Variants in RGS7 observed in about 807,000 individuals in gnomAD.
RGS7 encodes the protein regulator of G protein signaling 7.
RGS7 carries 27 observed loss-of-function variants against 81.1 expected under a neutral mutation model. The observed-to-expected ratio is 0.33, with a 90% CI of 0.25 to 0.46. The LOEUF (loss-of-function observed/expected upper bound fraction) is 0.46. Among genes scored for constraint, RGS7 ranks in the 20% least tolerant of loss-of-function variants. The pLI is 1.00. For missense variants in RGS7, 396 were observed against 607.4 expected, an observed-to-expected ratio of 0.65 and a Z score of 3.66; for synonymous variants, 208 against 207.7, an observed-to-expected ratio of 1.00 and a Z score of -0.01.
intron 2 of RGS7, among the ~76,000 whole-genome samples, chr1:241,222,367 T>C (rs1307770652): frequency 2.0e-5 from 3 of 152,208 alleles, no homozygotes; most frequent in Admixed American, 6.5e-5. Flanking sequence ...GTTTCTGAGG[T>C]ATAGCCCAGG....
At chr1:240,823,680 C>T (rs1007826294) in intron 10 of RGS7, among the ~76,000 whole-genome samples, 1 of 152,152 alleles carries the variant, frequency 6.6e-6, no homozygotes, top group South Asian at 2.1e-4. Flanking sequence ...CCCAGACTGC[C>T]TTTGGATTTG....
intron 12 of RGS7, 78 bp downstream of exon 12, chr1:240,814,638 C>T (rs1690470238): frequency 2.3e-6 from 2 of 886,700 alleles, no homozygotes; most frequent in Non-Finnish European, 3.8e-6. Context: ...CCTGTCCCCA[C>T]AGTTCTCTTT....
intron 4 of RGS7, among the ~76,000 whole-genome samples, chr1:240,946,595 C>T (rs1198097303): frequency 6.6e-6 from 1 of 152,004 alleles, no homozygotes; most frequent in East Asian, 1.9e-4. Context: ...GTAAGACCCC[C>T]TCTTTAAAAA....
Position 241,180,149 on chromosome 1 carries a change from C to T in RGS7, c.79-81387G>A, listed in dbSNP as rs572786026. ...CAGCACTTTGGGAAGCCGAGGCAGG[C>T]GGATCACGAGGTCAGATCGAGACCA... On this transcript the variant is annotated intron_variant, in intron 2 of 18. Transcript: ENST00000440928. Among the ~76,000 whole-genome samples the T allele has an allele frequency of 2.5e-4, 38 of 152,102 alleles. No homozygotes were observed. The South Asian group carries it at 6.2e-3, about 25-fold the overall frequency.
intron 2 of RGS7, among the ~76,000 whole-genome samples, chr1:241,123,203 G>A (rs971603148): frequency 6.6e-6 from 1 of 152,164 alleles, no homozygotes; most frequent in Non-Finnish European, 1.5e-5. Context: ...TTGGCTCTGA[G>A]GACTTCAGTG....
rs1024972867 is a variant in RGS7 at position 241,175,047 on chromosome 1, C to T, written c.79-76285G>A. On this transcript the variant is annotated intron_variant, in intron 2 of 18. Transcript: ENST00000440928. The stretch of plus-strand genomic sequence containing the variant: ...CCTCCTAAGTAGCTGGGATTACAGG[C>T]GCCCACTACCATGCTTGGCTAATTT... Among the ~76,000 whole-genome samples the T allele has an allele frequency of 6.6e-5, 10 of 151,720 alleles. 1 individual carries two copies. The highest frequency in any genetic ancestry group is 2.1e-4 in the South Asian group (1 of 4,806).
intron 9 of RGS7, among the ~76,000 whole-genome samples, chr1:240,854,772 T>C (rs1293596857): frequency 6.6e-6 from 1 of 152,202 alleles, no homozygotes; most frequent in African/African-American, 2.4e-5. Flanking sequence ...AGCTTAATTT[T>C]TCATGTCCTC....
intron 4 of RGS7, among the ~76,000 whole-genome samples, chr1:240,967,708 G>A (rs368642230): frequency 1.1e-4 from 17 of 152,108 alleles, no homozygotes; most frequent in Admixed American, 1.0e-3. Context: ...AGTGGGGCTC[G>A]TTCCAATGAT....
chr1:241,246,877 T>C (rs757291517), intron 2 of RGS7, among the ~76,000 whole-genome samples: 5 of 151,954 alleles, frequency 3.3e-5, no homozygotes, highest in Non-Finnish European at 5.9e-5. Context: ...AGGGGATACA[T>C]GAACGTCAGC....
At chr1:241,037,401 T>C (rs1490661150) in intron 3 of RGS7, among the ~76,000 whole-genome samples, 1 of 152,112 alleles carries the variant, frequency 6.6e-6, no homozygotes, top group Non-Finnish European at 1.5e-5. Flanking sequence ...TGCAAAAATA[T>C]GGAAACAACC....
chr1:240,845,507 A>G (rs1186391469), intron 9 of RGS7, among the ~76,000 whole-genome samples: 4 of 152,348 alleles, frequency 2.6e-5, no homozygotes, highest in East Asian at 1.9e-4. Context: ...TAGAGATCAC[A>G]TGGGGTTTTG....
At position 241,122,619 on chromosome 1, in the gene RGS7, C is replaced by T. The variant is rs569254043; in HGVS notation, c.79-23857G>A. On this transcript the variant is annotated intron_variant, in intron 2 of 18. Coordinates refer to ENST00000440928, the MANE Select transcript of RGS7 (RefSeq NM_001364886.1). ...CAGAGATTGCAGTGAGCTGAGATCG[C>T]GCCATTGCACTCCAGCCTGGCCAGC... 2.9e-4 allele frequency among the ~76,000 whole-genome samples: 43 copies of T among 150,290 alleles called. 1 individual carries two copies. In the South Asian group the frequency reaches 6.5e-3, roughly 23 times the overall value.
chr1:241,050,640 C>T (rs933572264), intron 3 of RGS7, among the ~76,000 whole-genome samples: 7 of 152,130 alleles, frequency 4.6e-5, no homozygotes, highest in Non-Finnish European at 8.8e-5. Flanking sequence ...TTTTCTCCCA[C>T]CTCTGCCACT....
intron 2 of RGS7, among the ~76,000 whole-genome samples, chr1:241,269,958 C>A (rs1219213392): frequency 6.6e-6 from 1 of 152,190 alleles, no homozygotes; most frequent in African/African-American, 2.4e-5. Flanking sequence ...CTTCCTGAAC[C>A]TCATTACTTT....
intron 2 of RGS7, among the ~76,000 whole-genome samples, chr1:241,264,433 G>T (rs747019793): frequency 2.0e-5 from 3 of 152,144 alleles, no homozygotes; most frequent in African/African-American, 7.2e-5. Context: ...GGAGGCGGAG[G>T]TTGCAGTGAG....
intron 2 of RGS7, among the ~76,000 whole-genome samples, chr1:241,219,073 A>C (rs1035708446): frequency 3.3e-5 from 5 of 152,126 alleles, no homozygotes; most frequent in Admixed American, 6.5e-5. Flanking sequence ...GCTCACATCC[A>C]GCTGGTGTGA....
Position 240,827,127 on chromosome 1 carries a change from T to G in RGS7, c.655A>C (p.Arg219=), listed in dbSNP as rs1176855501. Reference sequence around the variant, plus strand: ...CGTGTTTTGTGGGGGTTTCTCATTCTGGATGACTTCTTAATGTCCACTTCA... The same window carrying G: ...CGTGTTTTGTGGGGGTTTCTCATTCGGGATGACTTCTTAATGTCCACTTCA... ...TTEVDIKKSS[R]MRNPHKTRKS... Residue 219 remains arginine (R), a synonymous_variant, in exon 10 of 19, where the codon AGA becomes CGA. Transcript: ENST00000440928. 2.5e-6 allele frequency: 4 copies of G among 1,613,886 alleles called. No homozygotes were observed. Among genetic ancestry groups the G allele is most frequent in the Non-Finnish European group, 3.4e-6 (4 of 1,179,836 alleles).
Position 241,185,673 on chromosome 1 carries a change from A to G in RGS7, c.79-86911T>C, listed in dbSNP as rs145308606. Among the ~76,000 whole-genome samples, 28 of 152,302 alleles carry G rather than the reference A, an allele frequency of 1.8e-4. No homozygotes were observed. In the East Asian group the frequency reaches 3.1e-3, roughly 17 times the overall value. ...GCCTGAAAGATCAAAATAGAGCTCA[A>G]TTACAGAACAATAGCTGGAAGGTCC... On this transcript the variant is annotated intron_variant, in intron 2 of 18. Transcript: ENST00000440928.
intron 4 of RGS7, among the ~76,000 whole-genome samples, chr1:240,977,938 T>C (rs1234951978): frequency 6.6e-6 from 1 of 152,172 alleles, no homozygotes; most frequent in African/African-American, 2.4e-5. Flanking sequence ...ATGTTGAATA[T>C]AGGACAGAAA....
Sources: allele counts gnomAD v4.1 joint callset (sites outside exome capture counted in the v4.1 genomes callset), GRCh38; gene constraint gnomAD v4.1.1; transcripts MANE v1.5; gene names NCBI Gene and HGNC (gene_info 2026-07-23, HGNC 2026-07-21).